SPATA13: variants seen among roughly 807,000 people sequenced by gnomAD.
The protein encoded by SPATA13 is spermatogenesis associated 13.
A neutral mutation model predicts 104.0 loss-of-function variants in SPATA13; 50 were observed. The observed-to-expected ratio is 0.48, with a 90% CI of 0.38 to 0.61. SPATA13 has a LOEUF of 0.61. Ranked by LOEUF, SPATA13 falls within the 20% of genes least tolerant of loss-of-function variation. The pLI, the probability that SPATA13 is intolerant of heterozygous loss-of-function variation, is 0.00. For missense variants in SPATA13, 1,524 were observed against 1,690.6 expected (o/e 0.90, Z 1.73); for synonymous variants, 606 against 667.5 (o/e 0.91, Z 1.42).
chr13:24,246,729 G>T (rs1225591219), intron 2 of SPATA13, among the ~76,000 whole-genome samples: 1 of 152,110 alleles, frequency 6.6e-6, no homozygotes, highest in African/African-American at 2.4e-5. Flanking sequence ...TGGGCGTGGT[G>T]GTAGGTGCCT....
intron 3 of SPATA13, among the ~76,000 whole-genome samples, chr13:24,121,400 C>T (rs549310516): frequency 1.3e-5 from 2 of 152,278 alleles, no homozygotes; most frequent in East Asian, 3.9e-4. Flanking sequence ...TTATAAACAG[C>T]AAACATTTTG....
At chr13:24,227,996 C>T (rs1872042369) in intron 2 of SPATA13, among the ~76,000 whole-genome samples, 1 of 152,076 alleles carries the variant, frequency 6.6e-6, no homozygotes, top group Non-Finnish European at 1.5e-5. Context: ...CCTCTATCTC[C>T]CGGGTTCAAG....
At chr13:24,041,671 G>C (rs1877935043) in intron 3 of SPATA13, among the ~76,000 whole-genome samples, 1 of 152,214 alleles carries the variant, frequency 6.6e-6, no homozygotes, top group Non-Finnish European at 1.5e-5. Flanking sequence ...AAGTAGAAAA[G>C]AAGGGAGGTG....
At chr13:24,026,256 C>T (rs1009274257) in intron 3 of SPATA13, among the ~76,000 whole-genome samples, 1 of 152,084 alleles carries the variant, frequency 6.6e-6, no homozygotes, top group Non-Finnish European at 1.5e-5. Context: ...GTTAAGAAAT[C>T]CTTTCCTATT....
At chr13:24,066,440 G>A (rs1566090993) in intron 3 of SPATA13, among the ~76,000 whole-genome samples, 1 of 152,158 alleles carries the variant, frequency 6.6e-6, no homozygotes, top group Non-Finnish European at 1.5e-5. Flanking sequence ...CCCAGAGCTT[G>A]CACCTTCTTT....
chr13:24,009,129 G>T (rs2039127961), intron 2 of SPATA13, among the ~76,000 whole-genome samples: 1 of 152,166 alleles, frequency 6.6e-6, no homozygotes, highest in Admixed American at 6.6e-5. Flanking sequence ...CAGCCAGCCT[G>T]CTATCCCCAC....
intron 3 of SPATA13, among the ~76,000 whole-genome samples, chr13:24,126,477 T>C (rs2146687): frequency 0.69 from 104,391 of 151,976 alleles, 36,550 homozygotes; most frequent in East Asian, 0.93. Context: ...TTGTGTCTAT[T>C]CTGGAGTTTC....
Position 24,306,155 on chromosome 13 carries a change from C to T in SPATA13, c.*3382C>T, listed in dbSNP as rs371767882. 6.6e-6 allele frequency: 1 copy of T among 152,184 alleles called. No individual in the cohort carries two copies. Among genetic ancestry groups the T allele is most frequent in the African/African-American group, 2.4e-5 (1 of 41,442 alleles). The allele number at this position is 152,184 out of a possible 1,614,324, so 9.4% of individuals were successfully genotyped here. On this transcript the variant is annotated 3_prime_UTR_variant, in exon 13 of 13. Coordinates refer to ENST00000382108, the MANE Select transcript of SPATA13 (RefSeq NM_001166271.3). ...GATGCCATTCTTATTCAGAAAATCCCCCCATCCTACATGACTGTTATCTAG... is the reference window on the plus strand; with the variant it reads ...GATGCCATTCTTATTCAGAAAATCCTCCCATCCTACATGACTGTTATCTAG...
chr13:24,107,876 A>G (rs529273453), intron 3 of SPATA13, among the ~76,000 whole-genome samples: 1 of 152,272 alleles, frequency 6.6e-6, no homozygotes, highest in African/African-American at 2.4e-5. Flanking sequence ...GAAGATGCTC[A>G]CTCGCACTAT....
chr13:24,065,494 A>G (rs1244848188), intron 3 of SPATA13, among the ~76,000 whole-genome samples: 2 of 152,176 alleles, frequency 1.3e-5, no homozygotes. Flanking sequence ...ACTTTTGAGC[A>G]AGTCTTACCC....
At chr13:24,262,315 T>TTC (rs1874097802) in intron 4 of SPATA13, among the ~76,000 whole-genome samples, 1 of 151,804 alleles carries the variant, frequency 6.6e-6, no homozygotes, top group Non-Finnish European at 1.5e-5. Flanking sequence ...TTTTCTTTTT[T>TTC]TTTTTTTAGC....
chr13:24,236,465 C>T (rs748484921), intron 2 of SPATA13, among the ~76,000 whole-genome samples: 19 of 151,748 alleles, frequency 1.3e-4, no homozygotes, highest in Non-Finnish European at 2.4e-4. Flanking sequence ...CGTGGTGGCA[C>T]GCACCTGTAG....
chr13:24,294,701 G>T (rs1876629835), intron 9 of SPATA13, 38 bp from the exon 10 acceptor site: 1 of 1,562,740 alleles, frequency 6.4e-7, no homozygotes, highest in Non-Finnish European at 8.8e-7. Context: ...TTTGTAAGGT[G>T]CATGTTATGT....
At chr13:24,023,334 G>T (rs528178111) in intron 3 of SPATA13, among the ~76,000 whole-genome samples, 8 of 152,164 alleles carry the variant, frequency 5.3e-5, no homozygotes, top group Non-Finnish European at 8.8e-5. Flanking sequence ...GAAAGCTGTA[G>T]ACATTAAGGC....
rs570533474 is a variant in SPATA13, at chr13:24,086,596, G to A, written c.-112+68895G>A. ...GAGAAGGTGGAATAGAGGAGGCAGA[G>A]GCAGCAAGGATGAGTTCAAGGGCAG... is the stretch of plus-strand genomic sequence containing the variant. On this transcript the variant is annotated intron_variant, in intron 3 of 14. Coordinates refer to the SPATA13 transcript ENST00000424834. 1.3e-5 allele frequency among the ~76,000 whole-genome samples: 2 copies of A among 152,332 alleles called. 1 individual carries two copies. The highest frequency in any genetic ancestry group is 4.1e-4 in the South Asian group (2 of 4,822).
chr13:24,300,153 C>T (rs1406067335), intron 11 of SPATA13, among the ~76,000 whole-genome samples: 1 of 152,172 alleles, frequency 6.6e-6, no homozygotes, highest in African/African-American at 2.4e-5. Flanking sequence ...TCTGCATTCT[C>T]ATGAGCACCA....
chr13:24,272,510 T>G (rs961511002), intron 4 of SPATA13, among the ~76,000 whole-genome samples: 4 of 152,162 alleles, frequency 2.6e-5, no homozygotes, highest in Non-Finnish European at 5.9e-5. Context: ...TTTTCTTTCC[T>G]TTGAGAGCTC....
chr13:24,264,041 T>C (rs1489654475), intron 4 of SPATA13, among the ~76,000 whole-genome samples: 1 of 152,256 alleles, frequency 6.6e-6, no homozygotes, highest in Admixed American at 6.5e-5. Context: ...ATAGCAGTTA[T>C]CTTAGCTGTT....
Position 24,231,155 on chromosome 13 carries a change from G to A in SPATA13, c.1653+6573G>A, listed in dbSNP as rs187717805. Among the ~76,000 whole-genome samples, 205 of 152,152 alleles carry A rather than the reference G, an allele frequency of 1.3e-3. 1 individual carries two copies. Among genetic ancestry groups the A allele is most frequent in the African/African-American group, 4.6e-3 (190 of 41,486 alleles). ...TTTGTGTCTACACCTTTTATTAAGC[G>A]AACAATTCAGTGATTTTTATATGTT... On this transcript the variant is annotated intron_variant, in intron 2 of 12. Coordinates refer to ENST00000382108, the MANE Select transcript of SPATA13 (RefSeq NM_001166271.3).
Sources: gnomAD v4.1 joint callset for allele counts (sites outside exome capture counted in the v4.1 genomes callset) on GRCh38, gnomAD v4.1.1 for gene constraint, MANE v1.5 for transcripts, NCBI Gene and HGNC (gene_info 2026-07-23, HGNC 2026-07-21) for gene names.